The following TMF1 variants were observed in gnomAD, a reference collection of about 807,000 sequenced individuals.
The protein encoded by TMF1 is TATA element modulatory factor.
TMF1 carries 71 observed loss-of-function variants against 126.5 expected under a neutral mutation model. The observed-to-expected ratio is 0.56, with a 90% confidence interval of 0.46 to 0.68. The LOEUF (loss-of-function observed/expected upper bound fraction) is 0.68. Among genes scored for constraint, TMF1 ranks in the 30% least tolerant of loss-of-function variants. TMF1 has a pLI of 0.00. For synonymous variants in TMF1, 461 were observed against 430.5 expected (o/e 1.07, Z -0.88); for missense variants, 1,259 against 1,253.2 (o/e 1.00, Z -0.07).
At chr3:69,026,192 C>T in intron 13 of TMF1, 95 bp from the exon 14 acceptor site, 1 of 790,672 alleles carries the variant, frequency 1.3e-6, no homozygotes, top group Non-Finnish European at 2.1e-6. Flanking sequence ...AACAAAGATT[C>T]AGTCTTTTAA....
chr3:69,038,835 T>G lies in TMF1; in HGVS notation c.1994+8A>C. ...CTAAATGGGTTGCATATTTGTTCATTTTCTTACTTGTATGCACTATCCAGG... is the reference window on the plus strand; with the variant it reads ...CTAAATGGGTTGCATATTTGTTCATGTTCTTACTTGTATGCACTATCCAGG... On this transcript the variant is annotated splice_region_variant and intron_variant, in intron 7 of 16. Coordinates refer to ENST00000398559, the MANE Select transcript of TMF1 (RefSeq NM_007114.3). 1 of 1,583,072 alleles carries G rather than the reference T, an allele frequency of 6.3e-7. No individual in the cohort carries two copies. Among genetic ancestry groups the G allele is most frequent in the Non-Finnish European group, 8.6e-7 (1 of 1,165,884 alleles).
rs777673026 is a variant in TMF1, at chr3:69,029,818, T to C, written c.2591A>G (p.Asn864Ser). 1.9e-6 allele frequency: 3 copies of C among 1,607,892 alleles called. 1 individual carries two copies. The South Asian group carries it at 3.3e-5, about 18-fold the overall frequency. ...ATCACTCAGAAACCATGCTCACCTA[T>C]TGTTCTCATCCTCCAGTTTACACAG... ...NRLCKLEDENNRYQVELENLK... is the reference protein window; with the variant it reads ...NRLCKLEDENSRYQVELENLK... Residue 864 changes from asparagine (N) to serine (S), a missense_variant, in exon 11 of 17, where the codon AAT (asparagine) becomes AGT (serine). Coordinates refer to ENST00000398559, the MANE Select transcript of TMF1 (RefSeq NM_007114.3).
chr3:69,023,261 T>C lies in TMF1; in HGVS notation c.3198A>G (p.Ala1066=), dbSNP rs773459052. 8 of 1,612,022 alleles carry C rather than the reference T, an allele frequency of 5.0e-6. No homozygotes were observed. The highest frequency in any genetic ancestry group is 3.3e-4 in the Middle Eastern group (2 of 6,050). The change falls in exon 17 of 17, where the codon GCA becomes GCG. Residue 1066 remains alanine, a synonymous_variant. Coordinates refer to ENST00000398559, the MANE Select transcript of TMF1 (RefSeq NM_007114.3). ...CTTCGAGATCTAATCGAAGTTCTTC[T>C]GCCTCTTCTGCTTTTTCTCCATACA... The part of the protein sequence containing the change: ...LQMYGEKAEE[A]EELRLDLEDV...
In TMF1 at chr3:69,028,228, T is replaced by C; in HGVS notation, c.2662A>G (p.Lys888Glu). 6.2e-7 allele frequency: 1 copy of C among 1,612,478 alleles called. No homozygotes were observed. The highest frequency in any genetic ancestry group is 1.3e-5 in the African/African-American group (1 of 75,028). The change falls in exon 12 of 17, where the codon AAG (lysine) becomes GAG (glutamate). Residue 888 changes from lysine (K) to glutamate (E), a missense_variant and splice_region_variant. Transcript: ENST00000398559. ...TGAGTGGTCACGAAGAGAAATACCT[T>C]TTCTTTCCTCGTCTCTTCAAGTGTT... The part of the protein sequence containing the change: ...VRTLEETRKE[K>E]TLLNSQLEME...
intron 9 of TMF1, 27 bp downstream of exon 9, chr3:69,034,996 T>C: frequency 6.4e-7 from 1 of 1,572,194 alleles, no homozygotes; most frequent in Non-Finnish European, 8.8e-7. Flanking sequence ...CTTCTTGGAT[T>C]TGTGTTTTGG....
intron 9 of TMF1, among the ~76,000 whole-genome samples, chr3:69,034,549 A>G (rs887977501): frequency 2.0e-5 from 3 of 152,200 alleles, no homozygotes; most frequent in Non-Finnish European, 4.4e-5. Flanking sequence ...CAATTACCTG[A>G]AGGTTAAAAA....
chr3:69,051,579 G>A (rs1329411548), intron 1 of TMF1, among the ~76,000 whole-genome samples: 1 of 152,140 alleles, frequency 6.6e-6, no homozygotes, highest in African/African-American at 2.4e-5. Context: ...TCAGACCTTG[G>A]ATCCCAACAG....
intron 15 of TMF1, chr3:69,024,863 G>A (rs2091759382): frequency 7.3e-6 from 1 of 137,918 alleles, no homozygotes; most frequent in Admixed American, 7.8e-5. Flanking sequence ...TACTGGTTGA[G>A]CATCCCAAAT....
chr3:69,032,562 A>G (rs777352221), intron 10 of TMF1, among the ~76,000 whole-genome samples: 4 of 151,964 alleles, frequency 2.6e-5, no homozygotes, highest in Admixed American at 1.3e-4. Flanking sequence ...TTTTATTAAC[A>G]TCACAGAAGG....
chr3:69,052,282 G>A lies in TMF1; in HGVS notation c.-196C>T, dbSNP rs2091935936. The stretch of plus-strand genomic sequence containing the variant: ...TTCCCGCACAGCTGAGACGAAGGGG[G>A]CCCATGTGCGCATGCGCTTGCTTCT... On this transcript the variant is annotated 5_prime_UTR_variant, in exon 1 of 17. Transcript: ENST00000398559. The A allele has an allele frequency of 4.1e-6, 2 of 492,126 alleles. No homozygotes were observed. The highest frequency in any genetic ancestry group is 7.0e-6 in the Non-Finnish European group (2 of 283,892). 30.5% of individuals were successfully genotyped at this position (492,126 alleles called of 1,614,324 possible).
intron 2 of TMF1, among the ~76,000 whole-genome samples, chr3:69,045,455 C>T (rs574958593): frequency 6.6e-6 from 1 of 151,308 alleles, no homozygotes; most frequent in East Asian, 2.0e-4. Context: ...AAGAGTGAAA[C>T]TCCATCTCAA....
At chr3:69,030,618 A>G in intron 10 of TMF1, 1 of 152,380 alleles carries the variant, frequency 6.6e-6, no homozygotes. Context: ...GAAAATGGGT[A>G]AACGACATAG....
rs2091738783 is a variant in TMF1, at chr3:69,021,696, T to A, written c.*1481A>T. The A allele has an allele frequency of 6.6e-6, 1 of 151,964 alleles. No homozygotes were observed. The allele number at this position is 151,964 out of a possible 1,614,324, so 9.4% of individuals were successfully genotyped here. On this transcript the variant is annotated 3_prime_UTR_variant, in exon 17 of 17. Transcript: ENST00000398559. ...TTAAATAAGAGTTTGTTTTTTTTTT[T>A]TTGAGACGGAGTCTTTCTCTGTCAC...
At position 69,038,669 on chromosome 3, in the gene TMF1, C is replaced by T; in HGVS notation, c.2046G>A (p.Gln682=). 1 of 1,614,200 alleles carries T rather than the reference C, an allele frequency of 6.2e-7. No homozygotes were observed. Among genetic ancestry groups the T allele is most frequent in the East Asian group, 2.2e-5 (1 of 44,882 alleles). The stretch of plus-strand genomic sequence containing the variant: ...TCATTTCACGGCTCAGAGCAGCTTC[C>T]TGTGCCTCACTATCCTTTGCAGCAT... ...KANAAKDSEA[Q]EAALSREMKA... Residue 682 remains glutamine (Q), a synonymous_variant, in exon 8 of 17, where the codon CAG becomes CAA. Transcript: ENST00000398559.
intron 10 of TMF1, chr3:69,030,233 T>C (rs1031100905): frequency 2.4e-6 from 1 of 423,650 alleles, no homozygotes; most frequent in Non-Finnish European, 4.2e-6. Context: ...AATGGAGTCA[T>C]GCATTAAAAG....
intron 3 of TMF1, among the ~76,000 whole-genome samples, chr3:69,044,291 C>T (rs552809093): frequency 4.4e-4 from 67 of 152,210 alleles, no homozygotes; most frequent in South Asian, 2.1e-3. Flanking sequence ...TCCAGTTTTG[C>T]AAAATGACTC....
Position 69,035,038 on chromosome 3 carries a change from G to T in TMF1, c.2229C>A (p.Ile743=). The change falls in exon 9 of 17, where the codon ATC becomes ATA. Residue 743 remains isoleucine, a synonymous_variant. Coordinates refer to ENST00000398559, the MANE Select transcript of TMF1 (RefSeq NM_007114.3). The part of the protein sequence containing the change: ...ARKEDYLRHE[I]GELQQRLQEA... The stretch of plus-strand genomic sequence containing the variant: ...GTGACAGTACCTGCTGAAGTTCACC[G>T]ATCTCATGGCGTAAATAATCCTCCT... The T allele has an allele frequency of 1.9e-6, 3 of 1,613,988 alleles. No individual in the cohort carries two copies. Among genetic ancestry groups the T allele is most frequent in the Admixed American group, 1.7e-5 (1 of 60,008 alleles).
chr3:69,042,553 A>G, intron 5 of TMF1: 1 of 586,160 alleles, frequency 1.7e-6, no homozygotes, highest in Non-Finnish European at 3.2e-6. Context: ...TTCTTAGGGC[A>G]GCACAAATTT....
At position 69,049,918 on chromosome 3, in the gene TMF1, C is replaced by G. The variant is rs550030365; in HGVS notation, c.143-1356G>C. ...AAGTTGGTGGAGAGAGCACAAGTAA[C>G]TAAAAGCTTCTAAAAACTATCAAGC... On this transcript the variant is annotated intron_variant, in intron 1 of 16. Transcript: ENST00000398559. Among the ~76,000 whole-genome samples, 16 of 152,202 alleles carry G rather than the reference C, an allele frequency of 1.1e-4. No homozygotes were observed. The East Asian group carries it at 2.3e-3, about 22-fold the overall frequency.
Sources: allele counts gnomAD v4.1 joint callset (sites outside exome capture counted in the v4.1 genomes callset), GRCh38; gene constraint gnomAD v4.1.1; transcripts MANE v1.5; gene names NCBI Gene and HGNC (gene_info 2026-07-23, HGNC 2026-07-21).